The following AP3B1 variants were observed in gnomAD, a reference collection of about 807,000 sequenced individuals.
AP3B1 encodes the protein AP-3 complex subunit beta-1.
In AP3B1, 61 loss-of-function variants were observed where a neutral mutation model predicts 132.5. The ratio of observed to expected loss-of-function variants is 0.46; its 90% CI spans 0.37 to 0.57. The LOEUF is 0.57. Among genes scored for constraint, AP3B1 ranks in the 20% least tolerant of loss-of-function variants. The probability of loss-of-function intolerance (pLI) is 0.00; values close to 1 mark genes in which losing one functional copy is unlikely to be tolerated. For synonymous variants in AP3B1, 388 were observed against 438.3 expected, an observed-to-expected ratio of 0.89 and a Z score of 1.43; for missense variants, 1,120 against 1,289.4, an observed-to-expected ratio of 0.87 and a Z score of 2.01.
chr5:78,092,372 T>C (rs983096465), intron 21 of AP3B1, among the ~76,000 whole-genome samples: 2 of 152,192 alleles, frequency 1.3e-5, no homozygotes, highest in African/African-American at 4.8e-5. Flanking sequence ...TTTGCAGGTA[T>C]GGCAAGATGA....
At chr5:78,274,341 T>C (rs898924422) in intron 1 of AP3B1, among the ~76,000 whole-genome samples, 2 of 150,362 alleles carry the variant, frequency 1.3e-5, no homozygotes, top group South Asian at 4.2e-4. Context: ...AATATACAAA[T>C]TGAAGCACAG....
intron 22 of AP3B1, among the ~76,000 whole-genome samples, chr5:78,087,072 A>G (rs886402529): frequency 2.6e-5 from 4 of 152,228 alleles, no homozygotes; most frequent in African/African-American, 7.2e-5. Context: ...CTTCTAGTGT[A>G]GTCATGGTCA....
chr5:78,245,094 CAAGTT>C (rs1381664666), intron 2 of AP3B1, among the ~76,000 whole-genome samples: 1 of 151,998 alleles, frequency 6.6e-6, no homozygotes, highest in East Asian at 1.9e-4. Context: ...TGAGAAGAGA[CAAGTT>C]AAGAGTAAAG....
intron 24 of AP3B1, among the ~76,000 whole-genome samples, chr5:78,025,094 ACTT>A (rs1481137687): frequency 2.0e-5 from 3 of 152,132 alleles, no homozygotes; most frequent in Non-Finnish European, 2.9e-5. Context: ...TTACAAATAA[ACTT>A]CTACAGAGTA....
At chr5:78,220,776 G>A (rs778955502) in intron 6 of AP3B1, among the ~76,000 whole-genome samples, 4 of 152,078 alleles carry the variant, frequency 2.6e-5, no homozygotes, top group East Asian at 1.9e-4. Flanking sequence ...GGGGCTGGGT[G>A]CAGTGGCTCA....
chr5:78,097,661 G>A lies in AP3B1; in HGVS notation c.2470+3292C>T, dbSNP rs1470943987. Among the ~76,000 whole-genome samples the A allele has an allele frequency of 2.1e-4, 31 of 149,286 alleles. 1 individual carries two copies. The South Asian group carries it at 6.4e-3, about 31-fold the overall frequency. ...CCCCGTCCGGGAGGGAGGTGGGGGG[G>A]TCAGCCCCCCGCCCGGCCAGCCGCC... On this transcript the variant is annotated intron_variant, in intron 21 of 26. Coordinates refer to ENST00000255194, the MANE Select transcript of AP3B1 (RefSeq NM_003664.5).
At chr5:78,180,407 A>G (rs1268422539) in intron 8 of AP3B1, among the ~76,000 whole-genome samples, 2 of 152,110 alleles carry the variant, frequency 1.3e-5, no homozygotes, top group Non-Finnish European at 2.9e-5. Flanking sequence ...AACACAGAAT[A>G]TAAAAGAATT....
chr5:78,044,369 T>G (rs1748231421), intron 22 of AP3B1, among the ~76,000 whole-genome samples: 1 of 152,222 alleles, frequency 6.6e-6, no homozygotes, highest in Admixed American at 6.5e-5. Flanking sequence ...CAGTGTTACA[T>G]GTTTATTTCC....
chr5:78,182,455 CAT>C (rs1206160114), intron 7 of AP3B1, among the ~76,000 whole-genome samples: 1 of 152,136 alleles, frequency 6.6e-6, no homozygotes, highest in Non-Finnish European at 1.5e-5. Context: ...ACATGTAAAA[CAT>C]ATATAAAACA....
At chr5:78,171,705 C>G (rs900173474) in intron 11 of AP3B1, among the ~76,000 whole-genome samples, 3 of 152,186 alleles carry the variant, frequency 2.0e-5, no homozygotes, top group Non-Finnish European at 4.4e-5. Context: ...TTGACTTCCT[C>G]TTTTCCTAAT....
At chr5:78,084,521 CA>C (rs568637894) in intron 22 of AP3B1, among the ~76,000 whole-genome samples, 48 of 43,998 alleles carry the variant, frequency 1.1e-3, no homozygotes, top group South Asian at 7.3e-3. Context: ...CAGACCCTGT[CA>C]AAAAAAAAAA....
chr5:78,267,579 G>T lies in AP3B1; in HGVS notation c.145C>A (p.Gln49Lys). ...GAATCTTTGTTGCTCTCTAACATTTGCTTTAGATCTTCATTCCTATTACAA... is the reference window on the plus strand; with the variant it reads ...GAATCTTTGTTGCTCTCTAACATTTTCTTTAGATCTTCATTCCTATTACAA... Reference protein sequence around the residue: ...SDLKKNEDLKQMLESNKDSAK... With the variant: ...SDLKKNEDLKKMLESNKDSAK... The change falls in exon 2 of 27, where the codon CAA (glutamine) becomes AAA (lysine). Residue 49 changes from glutamine to lysine, a missense_variant. By Grantham distance (53) the Gln-to-Lys change is moderately conservative (BLOSUM62 1). Coordinates refer to ENST00000255194, the MANE Select transcript of AP3B1 (RefSeq NM_003664.5). 1 of 1,606,996 alleles carries T rather than the reference G, an allele frequency of 6.2e-7. No individual in the cohort carries two copies. Among genetic ancestry groups the T allele is most frequent in the Non-Finnish European group, 8.5e-7 (1 of 1,175,060 alleles).
intron 6 of AP3B1, among the ~76,000 whole-genome samples, chr5:78,224,900 G>C (rs777584066): frequency 6.6e-5 from 10 of 151,950 alleles, no homozygotes; most frequent in Admixed American, 2.6e-4. Flanking sequence ...ATAATGAATA[G>C]AACAAGTAGG....
chr5:78,078,380 A>G (rs1749848595), intron 22 of AP3B1, among the ~76,000 whole-genome samples: 1 of 152,160 alleles, frequency 6.6e-6, no homozygotes, highest in Non-Finnish European at 1.5e-5. Flanking sequence ...AGATCTGATC[A>G]CTATCAATAA....
chr5:78,289,058 T>C (rs1415684303), intron 1 of AP3B1, among the ~76,000 whole-genome samples: 2 of 152,150 alleles, frequency 1.3e-5, no homozygotes, highest in Non-Finnish European at 2.9e-5. Flanking sequence ...CAATGACTCT[T>C]TGAGGTAGGT....
intron 26 of AP3B1, among the ~76,000 whole-genome samples, chr5:78,012,583 G>C (rs2112047025): frequency 6.6e-6 from 1 of 152,344 alleles, no homozygotes; most frequent in East Asian, 1.9e-4. Flanking sequence ...GATGGGACTT[G>C]AGAAGCAAGT....
chr5:78,119,336 C>T (rs962495907), intron 17 of AP3B1, among the ~76,000 whole-genome samples: 5 of 152,094 alleles, frequency 3.3e-5, no homozygotes, highest in South Asian at 2.1e-4. Flanking sequence ...CAAAGCTGGA[C>T]GGAGAATGAC....
chr5:78,087,613 C>G (rs1750318691), intron 22 of AP3B1: 1 of 985,212 alleles, frequency 1.0e-6, no homozygotes, highest in Non-Finnish European at 1.2e-6. Context: ...CTTCACTCAG[C>G]CGTGTCAACT....
chr5:78,034,442 G>C lies in AP3B1; in HGVS notation c.2813C>G (p.Ser938Cys). ...MKMHVFNPID[S>C]LEPEGSITVS... The stretch of plus-strand genomic sequence containing the variant: ...TGTAATGGATCCCTCAGGCTCAAGA[G>C]AGTCTAGGAAATAAGATAATTTAGA... Residue 938 changes from serine to cysteine, a missense_variant, in exon 24 of 27, where the codon TCT becomes TGT. Coordinates refer to ENST00000255194, the MANE Select transcript of AP3B1 (RefSeq NM_003664.5). 6.2e-7 allele frequency: 1 copy of C among 1,606,636 alleles called. No individual in the cohort carries two copies. Among genetic ancestry groups the C allele is most frequent in the South Asian group, 1.1e-5 (1 of 90,906 alleles).
Sources: allele counts gnomAD v4.1 joint callset (sites outside exome capture counted in the v4.1 genomes callset), GRCh38; gene constraint gnomAD v4.1.1; transcripts MANE v1.5; gene names NCBI Gene and HGNC (gene_info 2026-07-23, HGNC 2026-07-21).